SFT2D1: variants seen among roughly 807,000 people sequenced by gnomAD.
SFT2D1 encodes the protein SFT2 domain containing 1, also known as vesicle transport protein SFT2A.
SFT2D1 carries 24 observed loss-of-function variants against 28.1 expected under a neutral mutation model. The observed-to-expected ratio is 0.85, with a 90% confidence interval of 0.62 to 1.20. The LOEUF (loss-of-function observed/expected upper bound fraction) is 1.20. Ranked by LOEUF, SFT2D1 falls within the 50% of genes most tolerant of loss-of-function variation. SFT2D1 has a pLI of 0.00. For synonymous variants in SFT2D1, 82 were observed against 73.7 expected (o/e 1.11, Z -0.58); for missense variants, 181 against 190.9 (o/e 0.95, Z 0.31).
Position 166,342,399 on chromosome 6 carries a change from C to T in SFT2D1, c.63+20G>A. On this transcript the variant is annotated intron_variant, in intron 1 of 7. Coordinates refer to ENST00000361731, the MANE Select transcript of SFT2D1 (RefSeq NM_145169.3). ...GCCAGCGGGCAGCCCCGGGACTGGA[C>T]GAGGGCGCAAGTTCGCTACCTGCGC... The T allele has an allele frequency of 3.2e-6, 5 of 1,547,954 alleles. No individual in the cohort carries two copies. Among genetic ancestry groups the T allele is most frequent in the Non-Finnish European group, 3.5e-6 (4 of 1,146,518 alleles).
chr6:166,327,443 G>T (rs75839579), intron 4 of SFT2D1, among the ~76,000 whole-genome samples: 1 of 152,200 alleles, frequency 6.6e-6, no homozygotes, highest in Non-Finnish European at 1.5e-5. Flanking sequence ...GTGATGACCT[G>T]AGAGTTGTGG....
intron 7 of SFT2D1, among the ~76,000 whole-genome samples, chr6:166,320,761 C>T (rs559087582): frequency 6.6e-6 from 1 of 152,090 alleles, no homozygotes; most frequent in South Asian, 2.1e-4. Flanking sequence ...AAGCCATCCA[C>T]CCGTCTCAGC....
intron 7 of SFT2D1, 57 bp from the exon 8 acceptor site, chr6:166,320,313 CG>C (rs1778327021): frequency 2.1e-6 from 3 of 1,443,412 alleles, no homozygotes; most frequent in Non-Finnish European, 2.9e-6. Flanking sequence ...AGCAAAGTTG[CG>C]CAAAATGTTC....
chr6:166,329,684 T>C (rs1388054866), intron 2 of SFT2D1, 95 bp from the exon 3 acceptor site: 3 of 945,846 alleles, frequency 3.2e-6, no homozygotes, highest in African/African-American at 3.3e-5. Context: ...ACCAATATTA[T>C]GTAATATGTT....
intron 6 of SFT2D1, 108 bp from the exon 7 acceptor site, chr6:166,322,994 C>G (rs1778385285): frequency 1.2e-6 from 1 of 851,700 alleles, no homozygotes; most frequent in East Asian, 2.6e-5. Context: ...TGAGACTGTA[C>G]AGTGGTTCTC....
At chr6:166,324,772 C>T (rs991220757) in intron 5 of SFT2D1, 177 bp from the exon 6 acceptor site, 16 of 594,896 alleles carry the variant, frequency 2.7e-5, no homozygotes, top group African/African-American at 1.5e-4. Flanking sequence ...CCAAAAAATA[C>T]ATTTCCTTTC....
intron 1 of SFT2D1, among the ~76,000 whole-genome samples, chr6:166,339,370 TC>T (rs1179731840): frequency 6.6e-6 from 1 of 151,860 alleles, no homozygotes; most frequent in African/African-American, 2.4e-5. Context: ...TAGCAACAAT[TC>T]CCTCTTGCCT....
intron 4 of SFT2D1, among the ~76,000 whole-genome samples, chr6:166,327,803 T>G (rs4470829): frequency 6.6e-6 from 1 of 151,282 alleles, no homozygotes; most frequent in Middle Eastern, 3.2e-3. Flanking sequence ...TAGGATATAT[T>G]TTTTTTTTGG....
chr6:166,330,988 T>C (rs1270066103), intron 1 of SFT2D1, among the ~76,000 whole-genome samples: 2 of 152,200 alleles, frequency 1.3e-5, no homozygotes, highest in African/African-American at 4.8e-5. Flanking sequence ...TGTAAAAACA[T>C]ACTGTGAAAT....
intron 5 of SFT2D1, among the ~76,000 whole-genome samples, chr6:166,325,390 T>C (rs1184083667): frequency 6.6e-6 from 1 of 152,174 alleles, no homozygotes; most frequent in Non-Finnish European, 1.5e-5. Flanking sequence ...ATTTGGGAAA[T>C]AGGTTGAGTA....
Position 166,328,278 on chromosome 6 carries a change from G to C in SFT2D1, c.313C>G (p.Leu105Val). Reference sequence around the variant, plus strand: ...TTAAAAATGTATTATTTACTTACAAGCATAACAATTGTTGCAAGCAATCTT... The same window carrying C: ...TTAAAAATGTATTATTTACTTACAACCATAACAATTGTTGCAAGCAATCTT... ...ATRLLATIVMLLCFIFTLCAA... is the reference protein window; with the variant it reads ...ATRLLATIVMVLCFIFTLCAA... The change falls in exon 4 of 8, where the codon CTT becomes GTT. Residue 105 changes from leucine (L) to valine (V), a missense_variant and splice_region_variant. Physicochemically the swap from Leu to Val is conservative, Grantham distance 32 (BLOSUM62 1). Transcript: ENST00000361731. The C allele has an allele frequency of 1.9e-6, 3 of 1,574,384 alleles. No homozygotes were observed. Among genetic ancestry groups the C allele is most frequent in the Non-Finnish European group, 2.6e-6 (3 of 1,160,136 alleles).
intron 1 of SFT2D1, chr6:166,334,615 T>C (rs2114908279): frequency 5.3e-6 from 1 of 189,326 alleles, no homozygotes; most frequent in East Asian, 1.5e-4. Context: ...AGCTCCTCAC[T>C]GGAGGGCCGA....
chr6:166,342,205 G>A (rs534062003), intron 1 of SFT2D1, among the ~76,000 whole-genome samples: 1 of 152,186 alleles, frequency 6.6e-6, no homozygotes, highest in Non-Finnish European at 1.5e-5. Flanking sequence ...AGAGTCGGGG[G>A]GGGGCCTCAA....
rs199530684 is a variant in SFT2D1, at chr6:166,329,530, G to A, written c.210C>T (p.Leu70=). The A allele has an allele frequency of 2.9e-5, 46 of 1,609,042 alleles. No homozygotes were observed. The Admixed American group carries it at 3.2e-4, about 11-fold the overall frequency. ...GIKLFAVFYT[L]GNLAALASTC... is the part of the protein sequence containing the mutation. The stretch of plus-strand genomic sequence containing the variant: ...ACCTGGCTAACGCAGCAAGATTGCC[G>A]AGGGTATAAAACACTGCAAAAAGCT... Residue 70 remains leucine, a synonymous_variant, in exon 3 of 8, where the codon CTC becomes CTT. Coordinates refer to ENST00000361731, the MANE Select transcript of SFT2D1 (RefSeq NM_145169.3).
intron 1 of SFT2D1, among the ~76,000 whole-genome samples, chr6:166,341,519 G>C (rs976240807): frequency 1.3e-5 from 2 of 151,630 alleles, no homozygotes; most frequent in Non-Finnish European, 2.9e-5. Flanking sequence ...AGAGTGCAAT[G>C]AGAACAGATA....
intron 1 of SFT2D1, among the ~76,000 whole-genome samples, chr6:166,333,402 G>T (rs1778586799): frequency 6.6e-6 from 1 of 152,194 alleles, no homozygotes; most frequent in African/African-American, 2.4e-5. Context: ...GCCCAGGGCA[G>T]TCTTCCTGCT....
intron 7 of SFT2D1, among the ~76,000 whole-genome samples, chr6:166,320,521 C>T (rs896109009): frequency 4.0e-5 from 6 of 151,874 alleles, no homozygotes; most frequent in African/African-American, 1.5e-4. Context: ...AGTTTAAATA[C>T]CAAAAATAAC....
Position 166,328,263 on chromosome 6 carries a change from AT to A in SFT2D1, c.315+12del, listed in dbSNP as rs750164369. The A allele has an allele frequency of 9.1e-6, 14 of 1,546,526 alleles. No individual in the cohort carries two copies. Among genetic ancestry groups the A allele is most frequent in the Non-Finnish European group, 1.2e-5 (14 of 1,140,182 alleles). On this transcript the variant is annotated intron_variant, in intron 4 of 7. Coordinates refer to ENST00000361731, the MANE Select transcript of SFT2D1 (RefSeq NM_145169.3). ...ACTTCAATAAAAGTTTTAAAAATGTATTATTTACTTACAAGCATAACAATTG... is the reference window on the plus strand; with the variant it reads ...ACTTCAATAAAAGTTTTAAAAATGTATATTTACTTACAAGCATAACAATTG...
chr6:166,328,046 C>T (rs1778482971), intron 4 of SFT2D1, among the ~76,000 whole-genome samples: 1 of 152,040 alleles, frequency 6.6e-6, no homozygotes, highest in South Asian at 2.1e-4. Context: ...GATCCGCCCA[C>T]CTTGGCCCCC....
Sources: gnomAD v4.1 joint callset for allele counts (sites outside exome capture counted in the v4.1 genomes callset) on GRCh38, gnomAD v4.1.1 for gene constraint, MANE v1.5 for transcripts, NCBI Gene and HGNC (gene_info 2026-07-23, HGNC 2026-07-21) for gene names.